EPHB1: variants seen among roughly 807,000 people sequenced by gnomAD.
EPHB1 encodes the protein EPH receptor B1.
Under a neutral mutation model 94.4 loss-of-function variants are expected in EPHB1, and 30 were observed. That is an observed-to-expected ratio of 0.32 (90% CI 0.24 to 0.43). The LOEUF (loss-of-function observed/expected upper bound fraction) is 0.43, where lower values mean the gene tolerates loss of function less well. EPHB1 is among the 20% of genes least tolerant of loss of function. EPHB1 has a pLI of 1.00. For synonymous variants in EPHB1, 522 were observed against 489.1 expected (o/e 1.07, Z -0.89); for missense variants, 1,055 against 1,308.3 (o/e 0.81, Z 2.99).
intron 1 of EPHB1, among the ~76,000 whole-genome samples, chr3:134,854,592 G>A (rs773911711): frequency 6.6e-5 from 10 of 152,100 alleles, no homozygotes; most frequent in Admixed American, 2.0e-4. Flanking sequence ...CATGGGAAGC[G>A]TTTGCCTCAT....
intron 2 of EPHB1, among the ~76,000 whole-genome samples, chr3:134,935,921 TGGG>T: frequency 6.6e-6 from 1 of 152,324 alleles, no homozygotes; most frequent in South Asian, 2.1e-4. Flanking sequence ...CACTTCTCAC[TGGG>T]ACCCTGCAAG....
chr3:135,000,581 A>G (rs911134256), intron 3 of EPHB1, among the ~76,000 whole-genome samples: 3 of 152,182 alleles, frequency 2.0e-5, no homozygotes, highest in African/African-American at 7.2e-5. Flanking sequence ...AACGCAACAC[A>G]TTCTAGAACT....
intron 1 of EPHB1, among the ~76,000 whole-genome samples, chr3:134,924,162 G>GA (rs1206300676): frequency 2.0e-5 from 3 of 152,118 alleles, no homozygotes; most frequent in South Asian, 2.1e-4. Flanking sequence ...CTAGGTAGGA[G>GA]AAAAAAATCT....
chr3:134,955,105 A>ATTTTTTTTTTTTT lies in EPHB1; in HGVS notation c.805+3054_805+3066dup, dbSNP rs1174011769. Among the ~76,000 whole-genome samples, 125 of 24,114 alleles carry ATTTTTTTTTTTTT rather than the reference A, an allele frequency of 5.2e-3. 1 individual carries two copies. Among genetic ancestry groups the ATTTTTTTTTTTTT allele is most frequent in the East Asian group, 9.0e-3 (11 of 1,224 alleles). The allele number at this position is 24,114 out of a possible 152,430, so 15.8% of individuals were successfully genotyped here. A position where few individuals can be genotyped will look rare whatever the true frequency, so the allele number is the denominator to read the frequency against. On this transcript the variant is annotated intron_variant, in intron 3 of 15. Coordinates refer to ENST00000398015, the MANE Select transcript of EPHB1 (RefSeq NM_004441.5). Reference sequence around the variant, plus strand: ...TTTTTTTTTTTTTTTTTTTTTTTTAATTTTTTTTTTTTTAATTATACTCTA... The same window carrying ATTTTTTTTTTTTT: ...TTTTTTTTTTTTTTTTTTTTTTTTAATTTTTTTTTTTTTTTTTTTTTTTTTTAATTATACTCTA...
At chr3:135,017,338 G>C (rs1309507521) in intron 3 of EPHB1, among the ~76,000 whole-genome samples, 2 of 152,208 alleles carry the variant, frequency 1.3e-5, no homozygotes, top group Non-Finnish European at 2.9e-5. Flanking sequence ...TTCCCAGAGG[G>C]GAAATCAGAT....
intron 1 of EPHB1, among the ~76,000 whole-genome samples, chr3:134,865,897 A>C (rs1354054164): frequency 6.6e-6 from 1 of 152,256 alleles, no homozygotes; most frequent in Admixed American, 6.5e-5. Context: ...ATGGTTCAAC[A>C]TAATATATGC....
chr3:134,898,916 C>G (rs2038142891), intron 1 of EPHB1, among the ~76,000 whole-genome samples: 1 of 152,176 alleles, frequency 6.6e-6, no homozygotes, highest in Non-Finnish European at 1.5e-5. Flanking sequence ...GGAACTCTGA[C>G]TCTAGGCAGT....
chr3:134,874,173 A>C (rs1257870530), intron 1 of EPHB1, among the ~76,000 whole-genome samples: 1 of 152,210 alleles, frequency 6.6e-6, no homozygotes, highest in South Asian at 2.1e-4. Context: ...TTTTTGTGGA[A>C]TACTATGCAG....
At chr3:135,046,070 A>G (rs541927042) in intron 3 of EPHB1, among the ~76,000 whole-genome samples, 2 of 152,380 alleles carry the variant, frequency 1.3e-5, no homozygotes, top group African/African-American at 4.8e-5. Context: ...GCTGTCTTCT[A>G]CTGAACCAGG....
At chr3:134,916,550 G>T (rs542521603) in intron 1 of EPHB1, among the ~76,000 whole-genome samples, 13 of 152,374 alleles carry the variant, frequency 8.5e-5, no homozygotes, top group African/African-American at 2.9e-4. Context: ...TGCAGCTCCA[G>T]TGGGCTGGCA....
chr3:135,095,080 C>T (rs1395913620), intron 3 of EPHB1, among the ~76,000 whole-genome samples: 2 of 152,204 alleles, frequency 1.3e-5, no homozygotes, highest in Non-Finnish European at 1.5e-5. Flanking sequence ...CTCACCTTCT[C>T]TGCTCTGGAC....
chr3:135,032,539 A>T (rs1017217977), intron 3 of EPHB1, among the ~76,000 whole-genome samples: 2 of 152,136 alleles, frequency 1.3e-5, no homozygotes, highest in African/African-American at 4.8e-5. Flanking sequence ...CTGAGGGCTT[A>T]AAAAATTGTA....
rs927640453 is a variant in EPHB1, at chr3:134,805,468, G to A, written c.58+9779G>A. Among the ~76,000 whole-genome samples, 8 of 152,118 alleles carry A rather than the reference G, an allele frequency of 5.3e-5. No homozygotes were observed. The East Asian group carries it at 7.7e-4, about 15-fold the overall frequency. On this transcript the variant is annotated intron_variant, in intron 1 of 15. Transcript: ENST00000398015. Reference sequence around the variant, plus strand: ...CTGGTCACACCACAGGTGTGAATCCGTTGCTGGCTCCCTAGCACCTTCAGG... The same window carrying A: ...CTGGTCACACCACAGGTGTGAATCCATTGCTGGCTCCCTAGCACCTTCAGG...
intron 8 of EPHB1, among the ~76,000 whole-genome samples, chr3:135,166,456 A>G (rs926647397): frequency 2.0e-5 from 3 of 152,186 alleles, no homozygotes; most frequent in African/African-American, 4.8e-5. Context: ...AGCAAGAGGG[A>G]GGCAGGCTGG....
At chr3:135,186,094 AATGTAG>A (rs928273646) in intron 10 of EPHB1, among the ~76,000 whole-genome samples, 1 of 152,240 alleles carries the variant, frequency 6.6e-6, no homozygotes, top group Admixed American at 6.5e-5. Context: ...TTACATATAA[AATGTAG>A]ATGTATGTAT....
chr3:135,120,736 G>A (rs574474275), intron 4 of EPHB1, among the ~76,000 whole-genome samples: 1 of 152,338 alleles, frequency 6.6e-6, no homozygotes, highest in Non-Finnish European at 1.5e-5. Flanking sequence ...TTTTACAGCT[G>A]CGTAAGCCAG....
chr3:134,981,920 T>C (rs949352281), intron 3 of EPHB1, among the ~76,000 whole-genome samples: 3 of 152,352 alleles, frequency 2.0e-5, no homozygotes, highest in African/African-American at 2.4e-5. Flanking sequence ...TATTAATATT[T>C]AGTTATTATT....
chr3:134,887,283 G>A (rs754782013), intron 1 of EPHB1, among the ~76,000 whole-genome samples: 1 of 152,188 alleles, frequency 6.6e-6, no homozygotes, highest in Non-Finnish European at 1.5e-5. Context: ...CTTCTTCATA[G>A]CATGATGAGC....
At chr3:134,898,898 C>T (rs557636911) in intron 1 of EPHB1, among the ~76,000 whole-genome samples, 1 of 152,180 alleles carries the variant, frequency 6.6e-6, no homozygotes, top group East Asian at 1.9e-4. Flanking sequence ...GGAGCTCAGG[C>T]CTACCCTGGA....
Sources: gnomAD v4.1 joint callset for allele counts (sites outside exome capture counted in the v4.1 genomes callset) on GRCh38, gnomAD v4.1.1 for gene constraint, MANE v1.5 for transcripts, NCBI Gene and HGNC (gene_info 2026-07-23, HGNC 2026-07-21) for gene names.